The following PCDHGB2 variants were observed in gnomAD, a reference collection of about 807,000 sequenced individuals.
PCDHGB2 encodes protocadherin gamma subfamily B, 2, also known as protocadherin gamma-B2.
Under a neutral mutation model 59.3 loss-of-function variants are expected in PCDHGB2, and 55 were observed. The ratio of observed to expected loss-of-function variants is 0.93; its 90% CI spans 0.75 to 1.16. The LOEUF is 1.16. PCDHGB2 is among the 50% of genes most tolerant of loss of function. The pLI, the probability that PCDHGB2 is intolerant of heterozygous loss-of-function variation, is 0.00. For missense variants in PCDHGB2, 1,228 were observed against 1,198.5 expected (o/e 1.02, Z -0.36); for synonymous variants, 516 against 512.0 (o/e 1.01, Z -0.11).
chr5:141,418,058 C>A (rs2096216434), intron 1 of PCDHGB2: 1 of 1,613,872 alleles, frequency 6.2e-7, no homozygotes, highest in Non-Finnish European at 8.5e-7. Flanking sequence ...TCGCGAGCTG[C>A]GAGTGAGCGC....
At chr5:141,459,723 T>G (rs1024452676) in intron 1 of PCDHGB2, among the ~76,000 whole-genome samples, 3 of 152,254 alleles carry the variant, frequency 2.0e-5, no homozygotes, top group African/African-American at 7.2e-5. Context: ...ATGCTTCCTA[T>G]TGTCAATTTT....
At chr5:141,492,195 CTT>C (rs1240529719) in intron 1 of PCDHGB2, among the ~76,000 whole-genome samples, 1 of 152,242 alleles carries the variant, frequency 6.6e-6, no homozygotes, top group Non-Finnish European at 1.5e-5. Context: ...GTCTGCGGGA[CTT>C]AGGTGTGCGC....
At chr5:141,371,159 G>T in intron 1 of PCDHGB2, 2 of 1,614,024 alleles carry the variant, frequency 1.2e-6, no homozygotes, top group Non-Finnish European at 1.7e-6. Context: ...CAGAGAACCT[G>T]CCCGCTGGCT....
chr5:141,509,060 T>G (rs2099874519), intron 3 of PCDHGB2, among the ~76,000 whole-genome samples: 1 of 152,216 alleles, frequency 6.6e-6, no homozygotes, highest in Middle Eastern at 3.4e-3. Flanking sequence ...CAGAAAGCTC[T>G]CAGCTCCGGG....
At position 141,476,676 on chromosome 5, in the gene PCDHGB2, G is replaced by A. The variant is rs753538822; in HGVS notation, c.2422-18131G>A. The A allele has an allele frequency of 6.2e-7, 1 of 1,614,222 alleles. No individual in the cohort carries two copies. The highest frequency in any genetic ancestry group is 8.5e-7 in the Non-Finnish European group (1 of 1,180,054). On this transcript the variant is annotated intron_variant, in intron 1 of 3. Transcript: ENST00000522605. The surrounding 1 kb of genome is among the most constrained non-coding windows in gnomAD (Gnocchi z 7.6). ...TACTTTGCGCTTCGCGTGCAGACGC[G>A]GGAGGACAGCACCAAGTACGCGGAG...
intron 1 of PCDHGB2, chr5:141,392,660 C>A: frequency 1.3e-6 from 1 of 797,246 alleles, no homozygotes; most frequent in Non-Finnish European, 1.9e-6. Flanking sequence ...GCAGATGCCA[C>A]AAACTAACTG....
intron 1 of PCDHGB2, chr5:141,419,367 C>T (rs1157934416): frequency 6.2e-7 from 1 of 1,613,652 alleles, no homozygotes; most frequent in Admixed American, 1.7e-5. Context: ...ACGCTGTCGT[C>T]CTACGTGTCC....
intron 1 of PCDHGB2, chr5:141,376,036 G>A (rs755190782): frequency 5.0e-6 from 8 of 1,613,116 alleles, no homozygotes; most frequent in South Asian, 1.1e-5. Flanking sequence ...ACCACGGCCA[G>A]CCCCCTCTCT....
At chr5:141,399,298 A>T (rs1451298331) in intron 1 of PCDHGB2, 1 of 1,613,850 alleles carries the variant, frequency 6.2e-7, no homozygotes, top group Non-Finnish European at 8.5e-7. Flanking sequence ...TTTTAAGATT[A>T]TCTCTTCATC....
rs778819723 is a variant in PCDHGB2 at position 141,398,637 on chromosome 5, T to C, written c.2421+36081T>C. 1.9e-6 allele frequency: 3 copies of C among 1,613,908 alleles called. No homozygotes were observed. The African/African-American group carries it at 4.0e-5, about 22-fold the overall frequency. On this transcript the variant is annotated intron_variant, in intron 1 of 3. Transcript: ENST00000522605. ...TTGGCTTAAACTCTCTGCAGAAGTATAAACTCTCTCTTAACCCAAGTTTCT... is the reference window on the plus strand; with the variant it reads ...TTGGCTTAAACTCTCTGCAGAAGTACAAACTCTCTCTTAACCCAAGTTTCT...
chr5:141,372,514 T>C lies in PCDHGB2; in HGVS notation c.2421+9958T>C. ...ATCTCAGTGCTCTTCCTCCTCGCGG[T>C]GATTCTGGCAATCTCCCTGCGCCTG... On this transcript the variant is annotated intron_variant, in intron 1 of 3. Coordinates refer to ENST00000522605, the MANE Select transcript of PCDHGB2 (RefSeq NM_018923.3). 5 of 1,614,028 alleles carry C rather than the reference T, an allele frequency of 3.1e-6. No individual in the cohort carries two copies. The South Asian group carries it at 4.4e-5, about 14-fold the overall frequency.
chr5:141,402,197 A>G (rs1346156119), intron 1 of PCDHGB2, among the ~76,000 whole-genome samples: 5 of 152,132 alleles, frequency 3.3e-5, no homozygotes, highest in Non-Finnish European at 5.9e-5. Context: ...TATTACTTTT[A>G]TAATACAAAA....
chr5:141,463,965 C>T (rs1207852177), intron 1 of PCDHGB2, among the ~76,000 whole-genome samples: 1 of 151,648 alleles, frequency 6.6e-6, no homozygotes, highest in African/African-American at 2.4e-5. Context: ...AAAATAGCTT[C>T]ATAAAACTCC....
chr5:141,431,460 A>C lies in PCDHGB2; in HGVS notation c.2422-63347A>C, dbSNP rs761879594. On this transcript the variant is annotated intron_variant, in intron 1 of 3. Coordinates refer to ENST00000522605, the MANE Select transcript of PCDHGB2 (RefSeq NM_018923.3). This position sits in a 1 kb window ranked among gnomAD's most constrained non-coding sequence, Gnocchi z 4.8. ...GCGCGCATCCGCGTGATGGTTCTGGATGCGAACGACAACGCACCAGCGTTT... is the reference window on the plus strand; with the variant it reads ...GCGCGCATCCGCGTGATGGTTCTGGCTGCGAACGACAACGCACCAGCGTTT... 8.1e-6 allele frequency: 13 copies of C among 1,613,676 alleles called. No individual in the cohort carries two copies. The highest frequency in any genetic ancestry group is 1.1e-5 in the Non-Finnish European group (13 of 1,179,984).
At chr5:141,394,611 C>A (rs774009952) in intron 1 of PCDHGB2, 1 of 1,613,420 alleles carries the variant, frequency 6.2e-7, no homozygotes, top group Non-Finnish European at 8.5e-7. Flanking sequence ...AGACTCGGGC[C>A]AGAACGCCTG....
intron 1 of PCDHGB2, chr5:141,441,872 G>T: frequency 2.9e-6 from 1 of 341,646 alleles, no homozygotes. Flanking sequence ...GCGGAGCCTG[G>T]CTACCTGGTC....
At chr5:141,428,099 C>G (rs1304120001) in intron 1 of PCDHGB2, 4 of 1,608,710 alleles carry the variant, frequency 2.5e-6, no homozygotes, top group Non-Finnish European at 2.5e-6. Flanking sequence ...TGTCCTACCA[C>G]GTGCTGCAGG....
rs1050545030 is a variant in PCDHGB2, at chr5:141,410,711, A to G, written c.2421+48155A>G. The G allele has an allele frequency of 4.2e-6, 6 of 1,436,568 alleles. No individual in the cohort carries two copies. In the African/African-American group the frequency reaches 7.6e-5, roughly 18 times the overall value. The allele number at this position is 1,436,568 out of a possible 1,614,324, so 89.0% of individuals were successfully genotyped here. A position where few individuals can be genotyped will look rare whatever the true frequency, so the allele number is the denominator to read the frequency against. ...CTACTTTATTTTCATATCTAGAATC[A>G]TATGTTTAAAATCCATAGCTTTTTA... On this transcript the variant is annotated intron_variant, in intron 1 of 3. Transcript: ENST00000522605.
intron 1 of PCDHGB2, chr5:141,398,793 A>C (rs376843278): frequency 6.2e-7 from 1 of 1,613,948 alleles, no homozygotes; most frequent in African/African-American, 1.3e-5. Context: ...ATCCACCCCT[A>C]AGCGGCACCA....
Sources: allele counts gnomAD v4.1 joint callset (sites outside exome capture counted in the v4.1 genomes callset), GRCh38; gene constraint gnomAD v4.1.1; non-coding constraint Gnocchi (gnomAD v3.1); transcripts MANE v1.5; gene names NCBI Gene and HGNC (gene_info 2026-07-23, HGNC 2026-07-21).